UGGT2: variants seen among roughly 807,000 people sequenced by gnomAD.
UGGT2 encodes the protein UDP-glucose glycoprotein glucosyltransferase 2.
In UGGT2, 180 loss-of-function variants were observed where a neutral mutation model predicts 192.1. The ratio of observed to expected loss-of-function variants is 0.94; its 90% confidence interval spans 0.83 to 1.06. UGGT2 has a LOEUF of 1.06. Among genes scored for constraint, UGGT2 ranks in the 50% least tolerant of loss-of-function variants. The pLI, the probability that UGGT2 is intolerant of heterozygous loss-of-function variation, is 0.00. For synonymous variants in UGGT2, 580 were observed against 591.0 expected, an observed-to-expected ratio of 0.98 and a Z score of 0.27; for missense variants, 1,849 against 1,795.7, an observed-to-expected ratio of 1.03 and a Z score of -0.54.
intron 5 of UGGT2, among the ~76,000 whole-genome samples, chr13:96,006,716 G>C (rs549310932): frequency 1.3e-5 from 2 of 150,770 alleles, no homozygotes; most frequent in South Asian, 2.1e-4. Flanking sequence ...AAATGTAGTA[G>C]AGAAAGAAAG....
intron 38 of UGGT2, among the ~76,000 whole-genome samples, chr13:95,803,209 CAA>C (rs376270652): frequency 2.0e-4 from 31 of 151,976 alleles, no homozygotes; most frequent in African/African-American, 7.3e-4. Flanking sequence ...TTGAGAGAGA[CAA>C]AGAGGGAGAA....
At chr13:95,868,659 C>G (rs541946827) in intron 29 of UGGT2, among the ~76,000 whole-genome samples, 3 of 152,064 alleles carry the variant, frequency 2.0e-5, no homozygotes, top group African/African-American at 7.2e-5. Flanking sequence ...GAAACATTGT[C>G]AAATTTCTTA....
At chr13:95,988,730 C>A (rs2140891199) in intron 8 of UGGT2, among the ~76,000 whole-genome samples, 1 of 152,164 alleles carries the variant, frequency 6.6e-6, no homozygotes, top group Non-Finnish European at 1.5e-5. Context: ...TAGATTGTGT[C>A]TTGCACATTC....
At chr13:95,844,370 T>C (rs1038593034) in intron 36 of UGGT2, among the ~76,000 whole-genome samples, 1 of 152,204 alleles carries the variant, frequency 6.6e-6, no homozygotes, top group Admixed American at 6.5e-5. Flanking sequence ...AGTAATGTTT[T>C]TATTGGAATT....
intron 12 of UGGT2, among the ~76,000 whole-genome samples, chr13:95,960,182 G>A (rs1488427925): frequency 6.6e-6 from 1 of 152,160 alleles, no homozygotes; most frequent in East Asian, 1.9e-4. Flanking sequence ...GTCAACGTAA[G>A]GACACAGGAA....
chr13:95,802,869 A>T (rs1884126572), intron 38 of UGGT2, among the ~76,000 whole-genome samples: 1 of 152,108 alleles, frequency 6.6e-6, no homozygotes, highest in African/African-American at 2.4e-5. Flanking sequence ...AGTCTCACTC[A>T]GTCGTCCAGG....
At chr13:95,930,394 T>C (rs1436398615) in intron 17 of UGGT2, among the ~76,000 whole-genome samples, 1 of 151,188 alleles carries the variant, frequency 6.6e-6, no homozygotes, top group Non-Finnish European at 1.5e-5. Context: ...ATTCTTATAG[T>C]TTTAAGTCTT....
chr13:95,826,614 T>C (rs926590787), intron 38 of UGGT2, among the ~76,000 whole-genome samples: 3 of 152,046 alleles, frequency 2.0e-5, no homozygotes, highest in Non-Finnish European at 4.4e-5. Context: ...ATTCCATTTA[T>C]AACAGTAGCA....
chr13:96,021,807 T>A (rs964440273), intron 4 of UGGT2, among the ~76,000 whole-genome samples: 3 of 152,162 alleles, frequency 2.0e-5, no homozygotes, highest in African/African-American at 7.2e-5. Context: ...GCCTTTAAGT[T>A]TTAAAAGCAG....
intron 36 of UGGT2, among the ~76,000 whole-genome samples, chr13:95,843,817 G>C (rs1453360243): frequency 1.3e-5 from 2 of 151,866 alleles, no homozygotes; most frequent in Non-Finnish European, 2.9e-5. Flanking sequence ...TCTAATTCAT[G>C]GATCAAATTG....
chr13:95,830,990 A>C (rs1168798078), intron 38 of UGGT2, among the ~76,000 whole-genome samples: 1 of 152,182 alleles, frequency 6.6e-6, no homozygotes, highest in African/African-American at 2.4e-5. Context: ...GACATGGATG[A>C]AGCTGGAAAC....
chr13:95,805,526 A>C (rs544904379), intron 38 of UGGT2, among the ~76,000 whole-genome samples: 2 of 152,304 alleles, frequency 1.3e-5, no homozygotes, highest in Admixed American at 6.5e-5. Flanking sequence ...AAGCAAACCA[A>C]ATGTCCATCG....
At chr13:95,879,368 A>G (rs1035718568) in intron 27 of UGGT2, among the ~76,000 whole-genome samples, 1 of 152,210 alleles carries the variant, frequency 6.6e-6, no homozygotes, top group Non-Finnish European at 1.5e-5. Context: ...TTTCTAGTGA[A>G]TATTTTAAGT....
intron 5 of UGGT2, among the ~76,000 whole-genome samples, chr13:96,006,183 G>A (rs999223685): frequency 3.9e-5 from 6 of 152,162 alleles, no homozygotes; most frequent in Admixed American, 3.9e-4. Flanking sequence ...GAAAAAAGTA[G>A]AACATATGAG....
At chr13:95,892,313 C>T (rs1276261084) in intron 24 of UGGT2, among the ~76,000 whole-genome samples, 1 of 152,094 alleles carries the variant, frequency 6.6e-6, no homozygotes, top group Non-Finnish European at 1.5e-5. Context: ...GTAGATAGTA[C>T]ACTGACTAAC....
intron 12 of UGGT2, among the ~76,000 whole-genome samples, chr13:95,964,882 T>G (rs978823800): frequency 2.7e-5 from 4 of 146,234 alleles, no homozygotes; most frequent in African/African-American, 7.5e-5. Context: ...TACAATGAAC[T>G]CAAACAAATT....
At chr13:95,864,632 A>C (rs988227654) in intron 30 of UGGT2, among the ~76,000 whole-genome samples, 2 of 152,160 alleles carry the variant, frequency 1.3e-5, no homozygotes. Context: ...ATATACAAAT[A>C]TGTCTTCTTT....
intron 2 of UGGT2, among the ~76,000 whole-genome samples, chr13:96,024,190 G>T (rs1467975748): frequency 6.6e-6 from 1 of 152,170 alleles, no homozygotes; most frequent in Non-Finnish European, 1.5e-5. Flanking sequence ...CAATAGCCAA[G>T]TATAATTAGT....
intron 36 of UGGT2, among the ~76,000 whole-genome samples, chr13:95,851,980 T>C (rs1279099245): frequency 6.6e-6 from 1 of 152,188 alleles, no homozygotes; most frequent in East Asian, 1.9e-4. Context: ...TGAGGGTTAC[T>C]GAGGACCCTA....
Sources: gnomAD v4.1 joint callset for allele counts (sites outside exome capture counted in the v4.1 genomes callset) on GRCh38, gnomAD v4.1.1 for gene constraint, MANE v1.5 for transcripts, NCBI Gene and HGNC (gene_info 2026-07-23, HGNC 2026-07-21) for gene names.